The following PSD3 variants were observed in gnomAD, a reference collection of about 807,000 sequenced individuals.
PSD3 encodes the protein PH and SEC7 domain-containing protein 3.
In PSD3, 49 loss-of-function variants were observed where a neutral mutation model predicts 105.5. The observed-to-expected ratio is 0.46, with a 90% confidence interval of 0.37 to 0.59. The LOEUF is 0.59. Ranked by LOEUF, PSD3 falls within the 20% of genes least tolerant of loss-of-function variation. The pLI, the probability that PSD3 is intolerant of heterozygous loss-of-function variation, is 0.00. For missense variants in PSD3, 1,561 were observed against 1,263.8 expected (o/e 1.24, Z -3.57); for synonymous variants, 557 against 457.8 (o/e 1.22, Z -2.77).
At chr8:18,950,434 C>G (rs1427067472) in intron 1 of PSD3, among the ~76,000 whole-genome samples, 1 of 152,070 alleles carries the variant, frequency 6.6e-6, no homozygotes, top group South Asian at 2.1e-4. Context: ...ATTCAAGGTG[C>G]TCTGCAATAG....
rs541700186 is a variant in PSD3, at chr8:18,923,290, G to A, written c.130+12744C>T. ...GCTGCATGTGGCCCATGGGCTGTGG[G>A]TTGCATAAGCTTGCTCTAAGCTTGG... On this transcript the variant is annotated intron_variant, in intron 2 of 15. Coordinates refer to ENST00000327040, the MANE Select transcript of PSD3 (RefSeq NM_015310.4). Among the ~76,000 whole-genome samples, 193 of 152,334 alleles carry A rather than the reference G, an allele frequency of 1.3e-3. 1 individual carries two copies. The highest frequency in any genetic ancestry group is 4.5e-3 in the African/African-American group (186 of 41,574).
At chr8:18,736,091 G>C (rs955349413) in intron 9 of PSD3, among the ~76,000 whole-genome samples, 2 of 152,086 alleles carry the variant, frequency 1.3e-5, no homozygotes, top group Non-Finnish European at 2.9e-5. Context: ...ACAAACTTGA[G>C]CACATCTCCT....
chr8:18,793,129 AACACTTGG>A (rs763971786), intron 8 of PSD3, among the ~76,000 whole-genome samples: 63 of 152,096 alleles, frequency 4.1e-4, no homozygotes, highest in Admixed American at 7.2e-4. Context: ...GAACAATGAG[AACACTTGG>A]ACACAGGGTG....
At chr8:18,829,953 TC>T (rs1813545850) in intron 4 of PSD3, among the ~76,000 whole-genome samples, 1 of 152,064 alleles carries the variant, frequency 6.6e-6, no homozygotes, top group South Asian at 2.1e-4. Context: ...AGATACCAAA[TC>T]TTAATAACTT....
chr8:18,823,898 G>A (rs1216775872), intron 4 of PSD3, among the ~76,000 whole-genome samples: 2 of 152,130 alleles, frequency 1.3e-5, no homozygotes, highest in Non-Finnish European at 1.5e-5. Flanking sequence ...GAAAAAGTGA[G>A]GTCAGGCATG....
At chr8:18,786,771 G>T (rs924090084) in intron 8 of PSD3, 1 of 152,136 alleles carries the variant, frequency 6.6e-6, no homozygotes, top group Non-Finnish European at 1.5e-5. Context: ...ACAACTTCTC[G>T]AATGCTTGAC....
intron 10 of PSD3, among the ~76,000 whole-genome samples, chr8:18,645,065 T>A (rs1807933709): frequency 6.6e-6 from 1 of 152,172 alleles, no homozygotes. Flanking sequence ...ACAAAACTAC[T>A]CTCACGATAA....
At chr8:19,016,104 A>G (rs1425814441), upstream of PSD3, among the ~76,000 whole-genome samples, 2 of 152,202 alleles carry the variant, frequency 1.3e-5, no homozygotes, top group Non-Finnish European at 2.9e-5. Flanking sequence ...GTGTGTAAAT[A>G]TTTTGTTAGG....
intron 1 of PSD3, among the ~76,000 whole-genome samples, chr8:18,987,747 A>G (rs1405322424): frequency 6.6e-6 from 1 of 152,158 alleles, no homozygotes; most frequent in African/African-American, 2.4e-5. Context: ...TGAGCCCAAG[A>G]GGCAGCAGTG....
intron 4 of PSD3, among the ~76,000 whole-genome samples, chr8:18,828,523 A>G (rs1813412658): frequency 6.6e-6 from 1 of 152,144 alleles, no homozygotes; most frequent in African/African-American, 2.4e-5. Flanking sequence ...ACTACTGGCC[A>G]GGCATGGTGG....
At chr8:18,820,357 ATGT>A (rs912530251) in intron 4 of PSD3, among the ~76,000 whole-genome samples, 12 of 152,086 alleles carry the variant, frequency 7.9e-5, no homozygotes, top group African/African-American at 2.7e-4. Context: ...AAAAAATTTG[ATGT>A]TGTTTGTTTT....
At chr8:18,824,843 G>A (rs1323756761) in intron 4 of PSD3, among the ~76,000 whole-genome samples, 2 of 152,126 alleles carry the variant, frequency 1.3e-5, no homozygotes, top group African/African-American at 4.8e-5. Flanking sequence ...CAGCGTGCCA[G>A]GGCATACACG....
intron 14 of PSD3, among the ~76,000 whole-genome samples, chr8:18,563,076 T>G (rs1245007543): frequency 2.0e-5 from 3 of 152,188 alleles, no homozygotes; most frequent in Non-Finnish European, 4.4e-5. Flanking sequence ...TTTTATCTCC[T>G]TTACCGATTA....
At chr8:19,032,649 CA>C (rs59029468) in intron 1 of PSD3, among the ~76,000 whole-genome samples, 42,035 of 108,116 alleles carry the variant, frequency 0.39, 5,543 homozygotes, top group East Asian at 0.48. Context: ...GACTCTGTCT[CA>C]AAAAAAAAAA....
At chr8:18,848,379 G>A (rs990890299) in intron 4 of PSD3, among the ~76,000 whole-genome samples, 1 of 152,194 alleles carries the variant, frequency 6.6e-6, no homozygotes, top group African/African-American at 2.4e-5. Flanking sequence ...AGCATCTGCA[G>A]ATGGATCTCT....
chr8:18,883,107 A>G (rs921626506), intron 2 of PSD3, among the ~76,000 whole-genome samples: 4 of 152,110 alleles, frequency 2.6e-5, no homozygotes, highest in African/African-American at 9.7e-5. Context: ...GACATTCCCA[A>G]TCAGAATCCT....
At chr8:18,646,514 T>TA (rs1204883875) in intron 10 of PSD3, among the ~76,000 whole-genome samples, 1 of 152,096 alleles carries the variant, frequency 6.6e-6, no homozygotes, top group African/African-American at 2.4e-5. Context: ...AGTTCAATTC[T>TA]AAAAAGTACA....
intron 12 of PSD3, among the ~76,000 whole-genome samples, chr8:18,592,584 G>C (rs962510477): frequency 2.0e-5 from 3 of 152,114 alleles, no homozygotes; most frequent in Non-Finnish European, 4.4e-5. Context: ...AAGAAAAACA[G>C]AGGACTTTGA....
At chr8:18,899,071 A>C (rs905746362) in intron 2 of PSD3, among the ~76,000 whole-genome samples, 1 of 152,196 alleles carries the variant, frequency 6.6e-6, no homozygotes, top group Admixed American at 6.5e-5. Flanking sequence ...AACAGTCTGG[A>C]ATCATGGGAA....
Sources: gnomAD v4.1 joint callset for allele counts (sites outside exome capture counted in the v4.1 genomes callset) on GRCh38, gnomAD v4.1.1 for gene constraint, MANE v1.5 for transcripts, NCBI Gene and HGNC (gene_info 2026-07-23, HGNC 2026-07-21) for gene names.